LEKR1: variants seen among roughly 807,000 people sequenced by gnomAD.
The protein encoded by LEKR1 is leucine, glutamate and lysine rich 1.
A neutral mutation model predicts 72.4 loss-of-function variants in LEKR1; 59 were observed. The observed-to-expected ratio is 0.82, with a 90% CI of 0.66 to 1.01. LEKR1 has a LOEUF of 1.01. Ranked by LOEUF, LEKR1 falls within the 50% of genes least tolerant of loss-of-function variation. The pLI, the probability that LEKR1 is intolerant of heterozygous loss-of-function variation, is 0.00. For missense variants in LEKR1, 728 were observed against 759.2 expected (o/e 0.96, Z 0.48); for synonymous variants, 257 against 263.2 (o/e 0.98, Z 0.23).
intron 3 of LEKR1, among the ~76,000 whole-genome samples, chr3:156,916,818 A>G (rs1014321909): frequency 6.6e-6 from 1 of 152,118 alleles, no homozygotes; most frequent in African/African-American, 2.4e-5. Context: ...GAGAGAGGGC[A>G]TCCTTGTCTT....
intron 7 of LEKR1, among the ~76,000 whole-genome samples, chr3:156,984,402 C>T (rs1406786475): frequency 1.3e-5 from 2 of 152,128 alleles, no homozygotes; most frequent in East Asian, 3.8e-4. Flanking sequence ...TCTGGCCGGG[C>T]GCAGTGCCTC....
chr3:156,873,352 TG>T (rs1312996900), intron 3 of LEKR1, among the ~76,000 whole-genome samples: 2 of 152,024 alleles, frequency 1.3e-5, no homozygotes, highest in African/African-American at 2.4e-5. Flanking sequence ...AATTGTGTCA[TG>T]TTTTTTTAAT....
intron 3 of LEKR1, among the ~76,000 whole-genome samples, chr3:156,910,727 A>G (rs747582891): frequency 2.6e-5 from 4 of 152,132 alleles, no homozygotes; most frequent in Non-Finnish European, 5.9e-5. Context: ...TGTGTACCAC[A>G]TTTCTTTATC....
At chr3:156,940,368 A>G (rs1383736697) in intron 5 of LEKR1, among the ~76,000 whole-genome samples, 3 of 152,152 alleles carry the variant, frequency 2.0e-5, no homozygotes, top group Non-Finnish European at 4.4e-5. Flanking sequence ...GCACAGAGGT[A>G]ACATTTGAGC....
At chr3:156,986,921 C>A (rs1223251446) in intron 7 of LEKR1, among the ~76,000 whole-genome samples, 1 of 152,110 alleles carries the variant, frequency 6.6e-6, no homozygotes, top group Non-Finnish European at 1.5e-5. Flanking sequence ...TTTGAGACTG[C>A]ACAGTGGAAA....
intron 5 of LEKR1, among the ~76,000 whole-genome samples, chr3:156,929,074 A>T (rs958194006): frequency 2.6e-5 from 4 of 152,082 alleles, no homozygotes; most frequent in Non-Finnish European, 5.9e-5. Context: ...GTAATGAATA[A>T]AAAGAAAATC....
At chr3:156,998,524 T>G (rs1017887549) in intron 9 of LEKR1, among the ~76,000 whole-genome samples, 2 of 152,146 alleles carry the variant, frequency 1.3e-5, no homozygotes, top group Non-Finnish European at 2.9e-5. Flanking sequence ...AGAAAGAGAT[T>G]TATTGTGATC....
chr3:156,886,148 G>T (rs574239550), intron 3 of LEKR1, among the ~76,000 whole-genome samples: 40 of 152,186 alleles, frequency 2.6e-4, no homozygotes, highest in African/African-American at 8.4e-4. Context: ...CTGTGGGGGA[G>T]GGGGGTTCTC....
At chr3:156,903,496 T>C (rs548924630) in intron 3 of LEKR1, among the ~76,000 whole-genome samples, 56 of 152,182 alleles carry the variant, frequency 3.7e-4, no homozygotes, top group Non-Finnish European at 7.1e-4. Flanking sequence ...CCATACACTA[T>C]TAGTTACGAC....
intron 10 of LEKR1, among the ~76,000 whole-genome samples, chr3:157,011,797 C>T (rs1285316147): frequency 6.6e-6 from 1 of 152,068 alleles, no homozygotes. Flanking sequence ...TCCTCATCAA[C>T]TATCACAATC....
At chr3:156,935,976 A>G (rs945586704) in intron 5 of LEKR1, among the ~76,000 whole-genome samples, 1 of 152,210 alleles carries the variant, frequency 6.6e-6, no homozygotes, top group Non-Finnish European at 1.5e-5. Flanking sequence ...AAATGTTATA[A>G]TTTATTTGAT....
intron 10 of LEKR1, among the ~76,000 whole-genome samples, chr3:157,022,597 T>C (rs1381075834): frequency 1.3e-5 from 2 of 152,162 alleles, no homozygotes; most frequent in African/African-American, 4.8e-5. Flanking sequence ...TAGAGCTGTG[T>C]CCTGAAATAA....
At chr3:156,981,891 A>G (rs1214365061) in intron 7 of LEKR1, among the ~76,000 whole-genome samples, 1 of 152,256 alleles carries the variant, frequency 6.6e-6, no homozygotes, top group African/African-American at 2.4e-5. Flanking sequence ...AAATTGGAAT[A>G]TGCTATGAAA....
At chr3:156,977,986 C>T (rs1576935393) in intron 6 of LEKR1, among the ~76,000 whole-genome samples, 1 of 152,176 alleles carries the variant, frequency 6.6e-6, no homozygotes, top group African/African-American at 2.4e-5. Context: ...TGGTCAGTAG[C>T]AGGTACTCTC....
intron 6 of LEKR1, among the ~76,000 whole-genome samples, chr3:156,958,578 T>C (rs1159557509): frequency 5.9e-5 from 9 of 152,132 alleles, no homozygotes; most frequent in Admixed American, 2.0e-4. Context: ...GCCTACTGTC[T>C]ATTAACCTAT....
At chr3:156,978,887 A>G (rs1425716288) in intron 6 of LEKR1, among the ~76,000 whole-genome samples, 2 of 152,208 alleles carry the variant, frequency 1.3e-5, no homozygotes, top group Non-Finnish European at 2.9e-5. Flanking sequence ...TTTGTCAGCT[A>G]CATACATTTC....
intron 12 of LEKR1, among the ~76,000 whole-genome samples, chr3:157,041,526 C>T (rs1735339336): frequency 6.6e-6 from 1 of 152,120 alleles, no homozygotes; most frequent in African/African-American, 2.4e-5. Context: ...CTATATCAGT[C>T]CTGGTCTCTC....
chr3:156,918,191 C>G (rs1218290737), intron 3 of LEKR1, among the ~76,000 whole-genome samples: 1 of 152,098 alleles, frequency 6.6e-6, no homozygotes, highest in East Asian at 1.9e-4. Flanking sequence ...GCTGATTTAA[C>G]TATATTGGGA....
At chr3:156,935,011 G>GT (rs1264606700) in intron 5 of LEKR1, among the ~76,000 whole-genome samples, 3 of 151,786 alleles carry the variant, frequency 2.0e-5, no homozygotes, top group Non-Finnish European at 4.4e-5. Context: ...ATTTTATCCT[G>GT]TTTTTTTTCT....
Sources: allele counts gnomAD v4.1 joint callset (sites outside exome capture counted in the v4.1 genomes callset), GRCh38; gene constraint gnomAD v4.1.1; transcripts MANE v1.5; gene names NCBI Gene and HGNC (gene_info 2026-07-23, HGNC 2026-07-21).